The following ALS2 variants were observed in gnomAD, a reference collection of about 807,000 sequenced individuals.
ALS2 encodes alsin Rho guanine nucleotide exchange factor ALS2.
Under a neutral mutation model 203.4 loss-of-function variants are expected in ALS2, and 117 were observed. The observed-to-expected ratio is 0.58, with a 90% CI of 0.50 to 0.67. ALS2 has a LOEUF of 0.67. Among genes scored for constraint, ALS2 ranks in the 30% least tolerant of loss-of-function variants. The probability of loss-of-function intolerance (pLI) is 0.00; values close to 1 mark genes in which losing one functional copy is unlikely to be tolerated. For missense variants in ALS2, 1,715 were observed against 1,989.4 expected, an observed-to-expected ratio of 0.86 and a Z score of 2.62; for synonymous variants, 718 against 725.9, an observed-to-expected ratio of 0.99 and a Z score of 0.17.
At chr2:201,717,515 A>G (rs1407130683) in intron 24 of ALS2, among the ~76,000 whole-genome samples, 1 of 151,702 alleles carries the variant, frequency 6.6e-6, no homozygotes, top group East Asian at 1.9e-4. Flanking sequence ...CACACATGGA[A>G]CTTTCCTTTT....
intron 25 of ALS2, among the ~76,000 whole-genome samples, chr2:201,713,416 C>T (rs534038236): frequency 2.0e-5 from 3 of 152,224 alleles, no homozygotes; most frequent in East Asian, 3.9e-4. Context: ...GCCACCATGC[C>T]CAGCCCATTC....
chr2:201,776,801 CAA>C (rs1694680306), intron 1 of ALS2, among the ~76,000 whole-genome samples: 1 of 152,144 alleles, frequency 6.6e-6, no homozygotes, highest in Non-Finnish European at 1.5e-5. Context: ...TCTCGTGATA[CAA>C]GTTTCACTTG....
chr2:201,766,401 T>G (rs185998491), intron 3 of ALS2, among the ~76,000 whole-genome samples: 101 of 152,068 alleles, frequency 6.6e-4, no homozygotes, highest in African/African-American at 2.4e-3. Context: ...ATCCCAGAAC[T>G]TTGGGAGGTC....
intron 12 of ALS2, among the ~76,000 whole-genome samples, chr2:201,735,300 C>T (rs577844849): frequency 2.6e-5 from 4 of 151,906 alleles, no homozygotes; most frequent in Non-Finnish European, 4.4e-5. Flanking sequence ...TACAACATTG[C>T]GAATGTATTT....
rs551522342 is a variant in ALS2, at chr2:201,768,432, T to C, written c.20+434A>G. 2.0e-5 allele frequency among the ~76,000 whole-genome samples: 3 copies of C among 152,330 alleles called. No homozygotes were observed. In the South Asian group the frequency reaches 6.2e-4, roughly 32 times the overall value. ...TTTTAATGAGGCACAGAAACTCTTTTGAATAGCTAAGCATTTATCTATATT... is the reference window on the plus strand; with the variant it reads ...TTTTAATGAGGCACAGAAACTCTTTCGAATAGCTAAGCATTTATCTATATT... On this transcript the variant is annotated intron_variant, in intron 2 of 33. Coordinates refer to ENST00000264276, the MANE Select transcript of ALS2 (RefSeq NM_020919.4).
chr2:201,709,236 T>C (rs1000548982), intron 27 of ALS2, among the ~76,000 whole-genome samples: 1 of 152,206 alleles, frequency 6.6e-6, no homozygotes, highest in Admixed American at 6.5e-5. Context: ...CAGTCTGCTC[T>C]GACCTTCTCT....
chr2:201,736,235 T>G (rs1327276190), intron 12 of ALS2, among the ~76,000 whole-genome samples: 1 of 152,032 alleles, frequency 6.6e-6, no homozygotes, highest in African/African-American at 2.4e-5. Context: ...AATGGAAAAT[T>G]GTGGTGTATT....
chr2:201,730,822 G>A (rs1691508429), intron 13 of ALS2, among the ~76,000 whole-genome samples: 1 of 152,246 alleles, frequency 6.6e-6, no homozygotes, highest in Non-Finnish European at 1.5e-5. Context: ...GCATGGCAGT[G>A]AAGAACGCAG....
Position 201,708,088 on chromosome 2 carries a change from T to C in ALS2, c.4281-97A>G, listed in dbSNP as rs1270593564. 4.4e-6 allele frequency: 5 copies of C among 1,134,876 alleles called. No individual in the cohort carries two copies. The Admixed American group carries it at 5.9e-5, about 13-fold the overall frequency. The allele number at this position is 1,134,876 out of a possible 1,614,324, so 70.3% of individuals were successfully genotyped here. A position where few individuals can be genotyped will look rare whatever the true frequency, so the allele number is the denominator to read the frequency against. On this transcript the variant is annotated intron_variant, in intron 27 of 33. Coordinates refer to ENST00000264276, the MANE Select transcript of ALS2 (RefSeq NM_020919.4). ...CCATTAGTTATGAGAGCAAGCTTTA[T>C]TATCAACTAAGTATTTTAGTTCCCT...
At position 201,761,166 on chromosome 2, in the gene ALS2, G is replaced by C. The variant is rs748243739; in HGVS notation, c.828C>G (p.Leu276=). The C allele has an allele frequency of 1.3e-5, 21 of 1,614,094 alleles. No homozygotes were observed. The highest frequency in any genetic ancestry group is 1.7e-5 in the Non-Finnish European group (20 of 1,180,040). Reference sequence around the variant, plus strand: ...TGTCAAGGGTTTCAGTGGAGGGGCTGAGAGCAGTGCTGGCATGGTTTTCTG... The same window carrying C: ...TGTCAAGGGTTTCAGTGGAGGGGCTCAGAGCAGTGCTGGCATGGTTTTCTG... The part of the protein sequence containing the change: ...SQAENHASTA[L]SPSTETLDRQ... The change falls in exon 4 of 34, where the codon CTC becomes CTG. Residue 276 remains leucine, a synonymous_variant. Coordinates refer to ENST00000264276, the MANE Select transcript of ALS2 (RefSeq NM_020919.4).
chr2:201,746,957 C>T (rs1405605461), intron 8 of ALS2, among the ~76,000 whole-genome samples: 1 of 152,136 alleles, frequency 6.6e-6, no homozygotes, highest in Non-Finnish European at 1.5e-5. Context: ...AAATTTAGAA[C>T]TGTTTTTATA....
intron 13 of ALS2, among the ~76,000 whole-genome samples, chr2:201,730,126 C>T (rs942396566): frequency 2.0e-5 from 3 of 152,072 alleles, no homozygotes; most frequent in Non-Finnish European, 2.9e-5. Context: ...GGATATTCTC[C>T]TTTGATACTA....
At chr2:201,756,205 C>A (rs1467399743) in intron 5 of ALS2, among the ~76,000 whole-genome samples, 1 of 151,902 alleles carries the variant, frequency 6.6e-6, no homozygotes, top group Non-Finnish European at 1.5e-5. Flanking sequence ...TATTTATATA[C>A]TTAAAATGCT....
intron 3 of ALS2, among the ~76,000 whole-genome samples, chr2:201,766,258 T>G (rs1165812242): frequency 1.3e-5 from 2 of 152,206 alleles, no homozygotes; most frequent in African/African-American, 2.4e-5. Flanking sequence ...TAACTCTCCC[T>G]TTTATTCTAG....
In ALS2 at chr2:201,759,415, T is replaced by C. The variant is rs143143165; in HGVS notation, c.1113+1466A>G. ...AATTAGCTGTATGATTGAGATGTTATTTACAAAGAATAAATTAAATGTAAT... is the reference window on the plus strand; with the variant it reads ...AATTAGCTGTATGATTGAGATGTTACTTACAAAGAATAAATTAAATGTAAT... On this transcript the variant is annotated intron_variant, in intron 4 of 33. Coordinates refer to ENST00000264276, the MANE Select transcript of ALS2 (RefSeq NM_020919.4). The C allele has an allele frequency of 6.5e-4, 621 of 952,842 alleles. 4 individuals carry two copies. The African/African-American group carries it at 0.01, about 16-fold the overall frequency. The allele number at this position is 952,842 out of a possible 1,614,324, so 59.0% of individuals were successfully genotyped here. A position where few individuals can be genotyped will look rare whatever the true frequency, so the allele number is the denominator to read the frequency against.
chr2:201,739,658 G>A (rs113110292), intron 11 of ALS2, among the ~76,000 whole-genome samples: 10 of 151,644 alleles, frequency 6.6e-5, no homozygotes, highest in South Asian at 2.1e-4. Context: ...CAGAAGAATC[G>A]CTTGAACTTG....
chr2:201,734,311 C>CA (rs959273756), intron 12 of ALS2, among the ~76,000 whole-genome samples: 8 of 151,954 alleles, frequency 5.3e-5, no homozygotes, highest in African/African-American at 1.9e-4. Context: ...CCTGTCTCTG[C>CA]AAAAAATACA....
chr2:201,779,094 G>A (rs1004006298), intron 1 of ALS2, among the ~76,000 whole-genome samples: 4 of 152,294 alleles, frequency 2.6e-5, no homozygotes, highest in African/African-American at 9.6e-5. Flanking sequence ...ACTCATTGAA[G>A]TTCTTAGCAT....
At chr2:201,716,209 A>G (rs1420185950) in intron 24 of ALS2, among the ~76,000 whole-genome samples, 1 of 152,024 alleles carries the variant, frequency 6.6e-6, no homozygotes, top group Admixed American at 6.5e-5. Flanking sequence ...GGAGTTCCAG[A>G]CCAGCCTGGC....
Sources: allele counts gnomAD v4.1 joint callset (sites outside exome capture counted in the v4.1 genomes callset), GRCh38; gene constraint gnomAD v4.1.1; transcripts MANE v1.5; gene names NCBI Gene and HGNC (gene_info 2026-07-23, HGNC 2026-07-21).